Variants in TMEM201 observed in about 807,000 individuals in gnomAD.
The protein encoded by TMEM201 is RP13-15M17.2.
TMEM201 carries 26 observed loss-of-function variants against 63.4 expected under a neutral mutation model. That is an observed-to-expected ratio of 0.41 (90% CI 0.30 to 0.57). TMEM201 has a LOEUF of 0.57. Among genes scored for constraint, TMEM201 ranks in the 20% least tolerant of loss-of-function variants. TMEM201 has a pLI of 0.29. For synonymous variants in TMEM201, 417 were observed against 421.6 expected, an observed-to-expected ratio of 0.99 and a Z score of 0.14; for missense variants, 794 against 917.7, an observed-to-expected ratio of 0.87 and a Z score of 1.74.
At chr1:9,593,415 G>A (rs1051744122) in intron 1 of TMEM201, among the ~76,000 whole-genome samples, 2 of 152,188 alleles carry the variant, frequency 1.3e-5, no homozygotes, top group East Asian at 1.9e-4. Flanking sequence ...GGTAGGGCCC[G>A]CCTGGCCAAA....
intron 5 of TMEM201, 109 bp downstream of exon 5, chr1:9,601,563 C>T (rs1287691743): frequency 7.5e-6 from 8 of 1,060,960 alleles, no homozygotes; most frequent in Non-Finnish European, 1.1e-5. Context: ...CTAGGCTGAA[C>T]TCCACCATGT....
intron 6 of TMEM201, chr1:9,602,918 C>T: frequency 1.0e-6 from 1 of 985,616 alleles, no homozygotes. Flanking sequence ...TGGCCTCCTG[C>T]TCCAAGACCC....
At chr1:9,602,620 AC>A in intron 6 of TMEM201, 6 of 1,196,266 alleles carry the variant, frequency 5.0e-6, no homozygotes, top group Non-Finnish European at 5.3e-6. Context: ...AGCTCCAGGC[AC>A]CCCCCTCTCA....
At position 9,603,707 on chromosome 1, in the gene TMEM201, G is replaced by A; in HGVS notation, c.1160+1435G>A. On this transcript the variant is annotated intron_variant, in intron 6 of 10. Coordinates refer to ENST00000340381, the MANE Select transcript of TMEM201 (RefSeq NM_001130924.3). The surrounding 1 kb of genome is among the most constrained non-coding windows in gnomAD (Gnocchi z 4.5). ...CACTGCTGTGAATCTGCCACGCCTGGGGGTCCTAGAGGCTGCCCCACCCCA... is the reference window on the plus strand; with the variant it reads ...CACTGCTGTGAATCTGCCACGCCTGAGGGTCCTAGAGGCTGCCCCACCCCA... 1.0e-6 allele frequency: 1 copy of A among 985,478 alleles called. No homozygotes were observed. Among genetic ancestry groups the A allele is most frequent in the Non-Finnish European group, 1.2e-6 (1 of 829,962 alleles). 61.0% of individuals were successfully genotyped at this position (985,478 alleles called of 1,614,324 possible).
chr1:9,603,591 C>T lies in TMEM201; in HGVS notation c.1160+1319C>T. 1.9e-5 allele frequency: 19 copies of T among 985,444 alleles called. No individual in the cohort carries two copies. The highest frequency in any genetic ancestry group is 4.7e-5 in the South Asian group (1 of 21,282). The allele number at this position is 985,444 out of a possible 1,614,324, so 61.0% of individuals were successfully genotyped here. On this transcript the variant is annotated intron_variant, in intron 6 of 10. Coordinates refer to ENST00000340381, the MANE Select transcript of TMEM201 (RefSeq NM_001130924.3). This position sits in a 1 kb window ranked among gnomAD's most constrained non-coding sequence, Gnocchi z 4.5. ...TCCTCTCTCCTGTGCGTTGGAACCC[C>T]GGGGGAGGCAAGAGCAGATCACAGG... is the stretch of plus-strand genomic sequence containing the variant.
rs184693123 is a variant in TMEM201 at position 9,601,523 on chromosome 1, G to A, written c.956+69G>A. On this transcript the variant is annotated intron_variant, in intron 5 of 10. Coordinates refer to ENST00000340381, the MANE Select transcript of TMEM201 (RefSeq NM_001130924.3). ...TGTGCTGGATTACTGTCTAGGGCGG[G>A]GGCCAAGAGACCCCATTGGGTGCAC... 1.1e-3 allele frequency: 1,579 copies of A among 1,430,632 alleles called. 3 individuals carry two copies. Among genetic ancestry groups the A allele is most frequent in the Non-Finnish European group, 8.6e-4 (917 of 1,065,714 alleles). The allele number at this position is 1,430,632 out of a possible 1,614,324, so 88.6% of individuals were successfully genotyped here.
intron 2 of TMEM201, 115 bp from the exon 3 acceptor site, chr1:9,596,744 A>T: frequency 9.8e-7 from 1 of 1,024,254 alleles, no homozygotes. Flanking sequence ...AAAAGAATGG[A>T]GATGTTTGAG....
At position 9,609,928 on chromosome 1, in the gene TMEM201, G is replaced by C. The variant is rs1644298186; in HGVS notation, c.1465+17G>C. The C allele has an allele frequency of 3.9e-6, 6 of 1,550,856 alleles. No individual in the cohort carries two copies. Among genetic ancestry groups the C allele is most frequent in the Non-Finnish European group, 5.2e-6 (6 of 1,146,602 alleles). ...CTGTTTCAGGTGAGGAAGACAGAGA[G>C]CTAAGTGGGGGACGGGGCAACATGA... On this transcript the variant is annotated intron_variant, in intron 8 of 10. Coordinates refer to ENST00000340381, the MANE Select transcript of TMEM201 (RefSeq NM_001130924.3).
rs1569963971 is a variant in TMEM201, at chr1:9,610,941, C to T, written c.1765+136C>T. On this transcript the variant is annotated intron_variant, in intron 9 of 10. Coordinates refer to ENST00000340381, the MANE Select transcript of TMEM201 (RefSeq NM_001130924.3). The surrounding 1 kb of genome is among the most constrained non-coding windows in gnomAD (Gnocchi z 4.9). ...TCCCACCCTGGAGCTCTAGGCACCC[C>T]ATTCCGGCTCTGGTGACTTGAACCC... The T allele has an allele frequency of 6.7e-7, 1 of 1,502,012 alleles. No individual in the cohort carries two copies. The highest frequency in any genetic ancestry group is 8.9e-7 in the Non-Finnish European group (1 of 1,118,822). The allele number at this position is 1,502,012 out of a possible 1,614,324, so 93.0% of individuals were successfully genotyped here.
chr1:9,596,071 C>A, intron 2 of TMEM201, 61 bp downstream of exon 2: 1 of 1,583,680 alleles, frequency 6.3e-7, no homozygotes. Context: ...GAGATTTGCA[C>A]CTTGAGACCA....
At chr1:9,597,079 G>A in intron 3 of TMEM201, 26 bp downstream of exon 3, 1 of 1,584,550 alleles carries the variant, frequency 6.3e-7, no homozygotes, top group Middle Eastern at 1.8e-4. Flanking sequence ...GAGGGCAGGG[G>A]TCCTGGCTGG....
At chr1:9,611,659 G>A (rs1421645967) in intron 9 of TMEM201, 94 bp from the exon 10 acceptor site, 6 of 1,514,022 alleles carry the variant, frequency 4.0e-6, no homozygotes, top group South Asian at 1.2e-5. Context: ...CACCACTTCT[G>A]ACAACTGTCC....
intron 1 of TMEM201, among the ~76,000 whole-genome samples, chr1:9,592,770 G>A (rs1643943314): frequency 6.6e-6 from 1 of 152,168 alleles, no homozygotes; most frequent in African/African-American, 2.4e-5. Flanking sequence ...TTTTTCTTAG[G>A]GACCCATCTC....
Position 9,607,524 on chromosome 1 carries a change from T to G in TMEM201, c.1161-33T>G. The stretch of plus-strand genomic sequence containing the variant: ...TGCCTCCAGGACCTCCCGCTGACCC[T>G]CTTCTTGTCCCGTGCCTGACGGGCC... On this transcript the variant is annotated intron_variant, in intron 6 of 10. Coordinates refer to ENST00000340381, the MANE Select transcript of TMEM201 (RefSeq NM_001130924.3). This position sits in a 1 kb window ranked among gnomAD's most constrained non-coding sequence, Gnocchi z 5.4. 6.6e-7 allele frequency: 1 copy of G among 1,513,738 alleles called. No individual in the cohort carries two copies. The highest frequency in any genetic ancestry group is 8.9e-7 in the Non-Finnish European group (1 of 1,122,952). The allele number at this position is 1,513,738 out of a possible 1,614,324, so 93.8% of individuals were successfully genotyped here.
rs1644273319 is a variant in TMEM201, at chr1:9,608,087, T to C, written c.1393+298T>C. ...ACGCTGTCTCTACAAAAAAAGTTGT[T>C]TTAATTAACTGGGCATGGTGGCGTA... On this transcript the variant is annotated intron_variant, in intron 7 of 10. Coordinates refer to ENST00000340381, the MANE Select transcript of TMEM201 (RefSeq NM_001130924.3). The surrounding 1 kb of genome is among the most constrained non-coding windows in gnomAD (Gnocchi z 4.3). Among the ~76,000 whole-genome samples, 1 of 152,092 alleles carries C rather than the reference T, an allele frequency of 6.6e-6. No individual in the cohort carries two copies. Among genetic ancestry groups the C allele is most frequent in the Admixed American group, 6.6e-5 (1 of 15,258 alleles).
chr1:9,601,689 TCTC>T (rs1644146368), intron 5 of TMEM201, among the ~76,000 whole-genome samples: 1 of 151,974 alleles, frequency 6.6e-6, no homozygotes, highest in Admixed American at 6.6e-5. Context: ...TTGCCTCCTC[TCTC>T]CTCCTCGGGC....
chr1:9,611,005 C>T, intron 9 of TMEM201, 200 bp downstream of exon 9: 1 of 1,532,630 alleles, frequency 6.5e-7, no homozygotes, highest in South Asian at 1.2e-5. Context: ...TTCAGTTTCT[C>T]CTTTTGCAGT....
Position 9,608,276 on chromosome 1 carries a change from A to T in TMEM201, c.1393+487A>T, listed in dbSNP as rs1267118815. Among the ~76,000 whole-genome samples, 2 of 152,046 alleles carry T rather than the reference A, an allele frequency of 1.3e-5. No individual in the cohort carries two copies. The highest frequency in any genetic ancestry group is 2.9e-5 in the Non-Finnish European group (2 of 68,006). ...ATAAAGTGCCCAGAATTGCCATATCATCTGGGAGCCCCAGCACGGCCCCTT... is the reference window on the plus strand; with the variant it reads ...ATAAAGTGCCCAGAATTGCCATATCTTCTGGGAGCCCCAGCACGGCCCCTT... On this transcript the variant is annotated intron_variant, in intron 7 of 10. Coordinates refer to ENST00000340381, the MANE Select transcript of TMEM201 (RefSeq NM_001130924.3). The surrounding 1 kb of genome is among the most constrained non-coding windows in gnomAD (Gnocchi z 4.3).
intron 1 of TMEM201, among the ~76,000 whole-genome samples, chr1:9,591,961 G>A (rs1474797657): frequency 1.3e-5 from 2 of 152,222 alleles, no homozygotes; most frequent in Admixed American, 6.5e-5. Flanking sequence ...GCCCTGGGAG[G>A]TCGTCGTTCT....
Sources: allele counts gnomAD v4.1 joint callset (sites outside exome capture counted in the v4.1 genomes callset), GRCh38; gene constraint gnomAD v4.1.1; non-coding constraint Gnocchi (gnomAD v3.1); transcripts MANE v1.5; gene names NCBI Gene and HGNC (gene_info 2026-07-23, HGNC 2026-07-21).